The following CACNG7 variants were observed in gnomAD, a reference collection of about 807,000 sequenced individuals.
CACNG7 encodes voltage-dependent calcium channel gamma-7 subunit.
A neutral mutation model predicts 26.3 loss-of-function variants in CACNG7; 9 were observed. The observed-to-expected ratio is 0.34, with a 90% confidence interval of 0.21 to 0.60. The LOEUF is 0.60. Ranked by LOEUF, CACNG7 falls within the 20% of genes least tolerant of loss-of-function variation. The pLI, the probability that CACNG7 is intolerant of heterozygous loss-of-function variation, is 0.81. For synonymous variants in CACNG7, 170 were observed against 157.0 expected (o/e 1.08, Z -0.62); for missense variants, 297 against 380.4 (o/e 0.78, Z 1.82).
intron 4 of CACNG7, among the ~76,000 whole-genome samples, chr19:53,925,536 G>T (rs1434032725): frequency 1.7e-4 from 9 of 52,718 alleles, no homozygotes; most frequent in South Asian, 1.2e-3. Flanking sequence ...GTTGTCCCAG[G>T]CTGGTCATTG....
At chr19:53,932,544 T>C (rs1482249635) in intron 4 of CACNG7, among the ~76,000 whole-genome samples, 4 of 152,136 alleles carry the variant, frequency 2.6e-5, no homozygotes, top group Admixed American at 2.6e-4. Context: ...AATTACTTAA[T>C]ATTATCTCAT....
At chr19:53,915,304 TG>T (rs2068888904) in intron 3 of CACNG7, 60 bp from the exon 4 acceptor site, 3 of 1,293,790 alleles carry the variant, frequency 2.3e-6, no homozygotes, top group Non-Finnish European at 3.4e-6. Context: ...GGTCAAGGAA[TG>T]GGGAAGTGTC....
At chr19:53,921,659 T>C (rs1253607924) in intron 4 of CACNG7, among the ~76,000 whole-genome samples, 1 of 74,836 alleles carries the variant, frequency 1.3e-5, no homozygotes, top group Non-Finnish European at 2.4e-5. Flanking sequence ...ATTGGTGGAC[T>C]TGCCCCAGGT....
intron 4 of CACNG7, among the ~76,000 whole-genome samples, chr19:53,924,053 G>A (rs972343762): frequency 7.4e-6 from 1 of 134,242 alleles, no homozygotes; most frequent in African/African-American, 3.0e-5. Flanking sequence ...CCTGGTCATT[G>A]GTGGAGTTGT....
At position 53,942,442 on chromosome 19, in the gene CACNG7, G is replaced by A. The variant is rs1446592883; in HGVS notation, c.*149G>A. On this transcript the variant is annotated 3_prime_UTR_variant, in exon 6 of 6. Transcript: ENST00000391767. The surrounding 1 kb of genome is among the most constrained non-coding windows in gnomAD (Gnocchi z 5.9). ...CTTTAGGCCCCGCCCTCCTCCCAAT[G>A]GCTCCGCCCACAGACTCCCTTATTT... The A allele has an allele frequency of 6.1e-6, 9 of 1,485,622 alleles. No homozygotes were observed. The highest frequency in any genetic ancestry group is 4.7e-5 in the Admixed American group (2 of 42,288). The allele number at this position is 1,485,622 out of a possible 1,614,324, so 92.0% of individuals were successfully genotyped here.
chr19:53,942,026 C>T lies in CACNG7; in HGVS notation c.571-10C>T, dbSNP rs115786439. 2.9e-3 allele frequency: 4,517 copies of T among 1,578,660 alleles called. 86 individuals carry two copies. The African/African-American group carries it at 0.048, about 17-fold the overall frequency. ...GGCGCCCCTGGGACTCTGACCTTGC[C>T]TTGCCGCAGGGGGCCGGCGTGATGT... On this transcript the variant is annotated splice_polypyrimidine_tract_variant and intron_variant, in intron 5 of 5. Coordinates refer to ENST00000391767, the MANE Select transcript of CACNG7 (RefSeq NM_031896.5). This position sits in a 1 kb window ranked among gnomAD's most constrained non-coding sequence, Gnocchi z 5.9.
At chr19:53,941,445 G>A (rs200799271) in intron 4 of CACNG7, 25 bp from the exon 5 acceptor site, 104 of 1,505,446 alleles carry the variant, frequency 6.9e-5, no homozygotes, top group Admixed American at 2.7e-4. Flanking sequence ...TCTAATGGAC[G>A]AGGGCACCCC....
intron 4 of CACNG7, among the ~76,000 whole-genome samples, chr19:53,936,523 G>T (rs2069106279): frequency 6.6e-6 from 1 of 152,184 alleles, no homozygotes; most frequent in Non-Finnish European, 1.5e-5. Context: ...ATAAATTGGT[G>T]TGCTACTGAA....
At chr19:53,937,093 T>C (rs766842701) in intron 4 of CACNG7, among the ~76,000 whole-genome samples, 1 of 152,060 alleles carries the variant, frequency 6.6e-6, no homozygotes, top group Non-Finnish European at 1.5e-5. Flanking sequence ...TCTCACTATG[T>C]TGTCCAGGCT....
intron 4 of CACNG7, among the ~76,000 whole-genome samples, chr19:53,919,932 C>G (rs1319108696): frequency 6.8e-5 from 8 of 118,482 alleles, no homozygotes; most frequent in Non-Finnish European, 1.4e-4. Flanking sequence ...TGTCCCCAGG[C>G]CTGGTATTGG....
intron 4 of CACNG7, among the ~76,000 whole-genome samples, chr19:53,919,154 G>A (rs1392055102): frequency 6.6e-6 from 1 of 152,084 alleles, no homozygotes; most frequent in African/African-American, 2.4e-5. Context: ...GCATTATGCT[G>A]CCCCACCAAG....
chr19:53,936,470 C>T (rs2069105989), intron 4 of CACNG7, among the ~76,000 whole-genome samples: 1 of 152,180 alleles, frequency 6.6e-6, no homozygotes, highest in African/African-American at 2.4e-5. Context: ...ACTAGGATTG[C>T]AGAATGGTGT....
At chr19:53,921,258 C>T (rs1254690356) in intron 4 of CACNG7, among the ~76,000 whole-genome samples, 5 of 123,350 alleles carry the variant, frequency 4.1e-5, no homozygotes, top group East Asian at 2.5e-4. Flanking sequence ...GGTGGAGTTG[C>T]CCCAGGTCTG....
Position 53,941,564 on chromosome 19 carries a change from T to C in CACNG7, c.519T>C (p.Tyr173=). Residue 173 remains tyrosine, a synonymous_variant, in exon 5 of 6, where the codon TAT becomes TAC. Coordinates refer to ENST00000391767, the MANE Select transcript of CACNG7 (RefSeq NM_031896.5). Reference sequence around the variant, plus strand: ...GCAGCTCTGAGCAGTATTTTCATTATCGCTACGGGTGGTCTTTTGCCTTCG... The same window carrying C: ...GCAGCTCTGAGCAGTATTTTCATTACCGCTACGGGTGGTCTTTTGCCTTCG... ...RPSSSEQYFH[Y]RYGWSFAFAA... 6.2e-7 allele frequency: 1 copy of C among 1,610,896 alleles called. No homozygotes were observed. The highest frequency in any genetic ancestry group is 1.1e-5 in the South Asian group (1 of 90,632).
Position 53,941,589 on chromosome 19 carries a change from G to A in CACNG7, c.544G>A (p.Ala182Thr), listed in dbSNP as rs768161757. The change falls in exon 5 of 6, where the codon GCC becomes ACC. Residue 182 changes from alanine to threonine, a missense_variant. Transcript: ENST00000391767. ...HYRYGWSFAF[A>T]ASSFLLKEGA... is the part of the protein sequence containing the mutation. Reference sequence around the variant, plus strand: ...TCGCTACGGGTGGTCTTTTGCCTTCGCCGCTTCCTCCTTCCTACTCAAAGA... The same window carrying A: ...TCGCTACGGGTGGTCTTTTGCCTTCACCGCTTCCTCCTTCCTACTCAAAGA... The A allele has an allele frequency of 2.5e-6, 4 of 1,611,532 alleles. No homozygotes were observed. Among genetic ancestry groups the A allele is most frequent in the African/African-American group, 1.3e-5 (1 of 74,742 alleles).
At chr19:53,931,271 A>G (rs1189499236) in intron 4 of CACNG7, among the ~76,000 whole-genome samples, 1 of 152,242 alleles carries the variant, frequency 6.6e-6, no homozygotes, top group African/African-American at 2.4e-5. Flanking sequence ...TGGACGTTTT[A>G]TAATTCCATA....
intron 4 of CACNG7, among the ~76,000 whole-genome samples, chr19:53,941,118 A>T (rs1421542755): frequency 6.6e-6 from 1 of 151,688 alleles, no homozygotes; most frequent in Non-Finnish European, 1.5e-5. Context: ...TCTTTCCTTC[A>T]TTTCTCTTGC....
In CACNG7 at chr19:53,912,687, G is replaced by T. The variant is rs912090711; in HGVS notation, c.-29-116G>T. ...GTCAGGCCACGGAGGTCAGATCTGA[G>T]ATTTCGATTTGGGAGTCAGTGTCTC... is the stretch of plus-strand genomic sequence containing the variant. On this transcript the variant is annotated intron_variant, in intron 1 of 5. Coordinates refer to ENST00000391767, the MANE Select transcript of CACNG7 (RefSeq NM_031896.5). The surrounding 1 kb of genome is among the most constrained non-coding windows in gnomAD (Gnocchi z 4.6). 1.4e-5 allele frequency: 11 copies of T among 785,502 alleles called. No homozygotes were observed. In the African/African-American group the frequency reaches 1.9e-4, roughly 14 times the overall value. The allele number at this position is 785,502 out of a possible 1,614,324, so 48.7% of individuals were successfully genotyped here.
In CACNG7 at chr19:53,943,401, C is replaced by A. The variant is rs1219835213; in HGVS notation, c.*1108C>A. On this transcript the variant is annotated 3_prime_UTR_variant, in exon 6 of 6. Coordinates refer to ENST00000391767, the MANE Select transcript of CACNG7 (RefSeq NM_031896.5). Reference sequence around the variant, plus strand: ...AGATTTTGGGGGGAGAGGAGGTCACCAGGAACTCGCCCACCCCCCCTTATT... The same window carrying A: ...AGATTTTGGGGGGAGAGGAGGTCACAAGGAACTCGCCCACCCCCCCTTATT... 1 of 151,396 alleles carries A rather than the reference C, an allele frequency of 6.6e-6. No individual in the cohort carries two copies. Among genetic ancestry groups the A allele is most frequent in the Non-Finnish European group, 1.5e-5 (1 of 67,896 alleles). 9.4% of individuals were successfully genotyped at this position (151,396 alleles called of 1,614,324 possible). A position where few individuals can be genotyped will look rare whatever the true frequency, so the allele number is the denominator to read the frequency against.
Sources: gnomAD v4.1 joint callset for allele counts (sites outside exome capture counted in the v4.1 genomes callset) on GRCh38, gnomAD v4.1.1 for gene constraint, Gnocchi (gnomAD v3.1) non-coding constraint, MANE v1.5 for transcripts, NCBI Gene and HGNC (gene_info 2026-07-23, HGNC 2026-07-21) for gene names.